The following DGKB variants were observed in gnomAD, a reference collection of about 807,000 sequenced individuals.
The protein encoded by DGKB is diacylglycerol kinase beta, also known as 90 kDa diacylglycerol kinase.
In DGKB, 67 loss-of-function variants were observed where a neutral mutation model predicts 114.3. The observed-to-expected ratio is 0.59, with a 90% CI of 0.48 to 0.72. The LOEUF (loss-of-function observed/expected upper bound fraction) is 0.72. Ranked by LOEUF, DGKB falls within the 30% of genes least tolerant of loss-of-function variation. DGKB has a pLI of 0.00. For synonymous variants in DGKB, 398 were observed against 323.1 expected, an observed-to-expected ratio of 1.23 and a Z score of -2.49; for missense variants, 907 against 975.2, an observed-to-expected ratio of 0.93 and a Z score of 0.93.
chr7:14,753,792 A>T, intron 4 of DGKB, 136 bp downstream of exon 4: 1 of 674,568 alleles, frequency 1.5e-6, no homozygotes, highest in Non-Finnish European at 2.6e-6. Context: ...ACCTATGAGT[A>T]TTATAGGCAA....
In DGKB at chr7:14,718,700, G is replaced by A. The variant is rs770004387; in HGVS notation, c.323-15C>T. On this transcript the variant is annotated splice_polypyrimidine_tract_variant and intron_variant, in intron 5 of 25. Transcript: ENST00000402815. ...CATTCTCAGACCTGGAAAAAAAATT[G>A]TCTTTATATTTTGTTAATTATTTAC... The A allele has an allele frequency of 4.1e-5, 65 of 1,587,566 alleles. No homozygotes were observed. Among genetic ancestry groups the A allele is most frequent in the Non-Finnish European group, 5.3e-5 (62 of 1,167,484 alleles).
rs550052581 is a variant in DGKB, at chr7:14,208,422, T to C, written c.2123-30271A>G. Among the ~76,000 whole-genome samples the C allele has an allele frequency of 2.3e-3, 357 of 152,184 alleles. 2 individuals carry two copies. The highest frequency in any genetic ancestry group is 3.9e-3 in the Non-Finnish European group (265 of 67,980). On this transcript the variant is annotated intron_variant, in intron 23 of 25. Transcript: ENST00000402815. ...AGAAGTATATTCTACTTAATCTTCA[T>C]GTTTGAAGTAGGAGGCAGGAAGGAT...
chr7:14,547,382 A>C (rs762360404), intron 20 of DGKB, among the ~76,000 whole-genome samples: 2 of 152,218 alleles, frequency 1.3e-5, no homozygotes, highest in Non-Finnish European at 2.9e-5. Flanking sequence ...TAAAATGAAA[A>C]TGTATGACAA....
rs116355388 is a variant in DGKB, at chr7:14,239,133, G to C, written c.2123-60982C>G. On this transcript the variant is annotated intron_variant, in intron 23 of 25. Coordinates refer to ENST00000402815, the MANE Select transcript of DGKB (RefSeq NM_001350709.2). The stretch of plus-strand genomic sequence containing the variant: ...GTTACTTGTCTATTATTCATCTACA[G>C]GATAACTGCTCAGCAGTCGTTACTT... 2.8e-3 allele frequency among the ~76,000 whole-genome samples: 431 copies of C among 152,012 alleles called. 2 individuals are homozygous for C. The highest frequency in any genetic ancestry group is 0.01 in the African/African-American group (417 of 41,484).
chr7:14,858,452 T>TGAATATATGAA (rs1850496690), intron 1 of DGKB, among the ~76,000 whole-genome samples: 1 of 152,052 alleles, frequency 6.6e-6, no homozygotes, highest in Admixed American at 6.6e-5. Flanking sequence ...CAGAAAAATA[T>TGAATATATGAA]GAATATATGA....
At chr7:14,709,676 T>C (rs1826985796) in intron 6 of DGKB, among the ~76,000 whole-genome samples, 1 of 146,040 alleles carries the variant, frequency 6.8e-6, no homozygotes, top group Non-Finnish European at 1.5e-5. Flanking sequence ...GGGACATGGA[T>C]GAAATTGGAA....
At chr7:14,759,049 C>T (rs746643863) in intron 2 of DGKB, among the ~76,000 whole-genome samples, 5 of 152,124 alleles carry the variant, frequency 3.3e-5, no homozygotes, top group Admixed American at 2.0e-4. Context: ...CTCAGCCTCC[C>T]AAGTAGCTGG....
chr7:14,824,530 C>A (rs938284847), intron 2 of DGKB, among the ~76,000 whole-genome samples: 1 of 151,984 alleles, frequency 6.6e-6, no homozygotes, highest in Non-Finnish European at 1.5e-5. Flanking sequence ...TATTCCTAAT[C>A]AGCATTCAGA....
chr7:14,152,768 T>C (rs897206197), intron 25 of DGKB, among the ~76,000 whole-genome samples: 1 of 152,284 alleles, frequency 6.6e-6, no homozygotes, highest in East Asian at 1.9e-4. Context: ...TTCTTATTTC[T>C]ATTACATTTT....
At chr7:14,233,841 C>T (rs1488352425) in intron 23 of DGKB, among the ~76,000 whole-genome samples, 1 of 152,006 alleles carries the variant, frequency 6.6e-6, no homozygotes, top group Non-Finnish European at 1.5e-5. Flanking sequence ...TCCCACTCCA[C>T]ACCTACTCCC....
chr7:14,465,753 G>A (rs1433791320), intron 21 of DGKB, among the ~76,000 whole-genome samples: 4 of 152,014 alleles, frequency 2.6e-5, no homozygotes, highest in East Asian at 1.9e-4. Flanking sequence ...TAAATATCTG[G>A]GGGAAAGAAG....
At chr7:14,201,118 A>C (rs925398476) in intron 23 of DGKB, among the ~76,000 whole-genome samples, 1 of 152,024 alleles carries the variant, frequency 6.6e-6, no homozygotes, top group Non-Finnish European at 1.5e-5. Flanking sequence ...TGGAAATCCA[A>C]CATCAAGGCA....
intron 5 of DGKB, among the ~76,000 whole-genome samples, chr7:14,725,464 C>A (rs1829877822): frequency 1.3e-5 from 2 of 151,960 alleles, no homozygotes; most frequent in African/African-American, 4.8e-5. Flanking sequence ...CTGTATTTAT[C>A]ACATGAAAAG....
intron 1 of DGKB, among the ~76,000 whole-genome samples, chr7:14,892,517 A>G (rs572799708): frequency 2.3e-4 from 35 of 151,388 alleles, no homozygotes; most frequent in African/African-American, 8.2e-4. Flanking sequence ...ATATAAATAA[A>G]TGTGTATATA....
intron 20 of DGKB, among the ~76,000 whole-genome samples, chr7:14,505,627 CTG>C (rs1388927989): frequency 3.9e-5 from 6 of 152,066 alleles, no homozygotes; most frequent in Non-Finnish European, 8.8e-5. Flanking sequence ...TGCCTCCTGA[CTG>C]TGTGTGTGTA....
At chr7:14,300,834 C>T (rs950117237) in intron 23 of DGKB, among the ~76,000 whole-genome samples, 1 of 152,100 alleles carries the variant, frequency 6.6e-6, no homozygotes, top group Non-Finnish European at 1.5e-5. Flanking sequence ...CTTTAAGGTA[C>T]CTCATTTCAA....
intron 9 of DGKB, among the ~76,000 whole-genome samples, chr7:14,689,654 C>T (rs1822465411): frequency 6.6e-6 from 1 of 152,154 alleles, no homozygotes; most frequent in African/African-American, 2.4e-5. Context: ...ACCACGTAGT[C>T]ATTTTTCTTA....
chr7:14,961,816 T>C (rs1034005759), intron 1 of DGKB, among the ~76,000 whole-genome samples: 1 of 152,110 alleles, frequency 6.6e-6, no homozygotes, highest in Non-Finnish European at 1.5e-5. Flanking sequence ...CAGCCCTTTT[T>C]TTAATAGGTG....
chr7:14,353,843 G>C (rs1249060246), intron 21 of DGKB, among the ~76,000 whole-genome samples: 1 of 152,202 alleles, frequency 6.6e-6, no homozygotes, highest in Non-Finnish European at 1.5e-5. Flanking sequence ...CTTGTGCCAA[G>C]ATATGCAGAT....
Sources: gnomAD v4.1 joint callset for allele counts (sites outside exome capture counted in the v4.1 genomes callset) on GRCh38, gnomAD v4.1.1 for gene constraint, MANE v1.5 for transcripts, NCBI Gene and HGNC (gene_info 2026-07-23, HGNC 2026-07-21) for gene names.